The following PCDHGA4 variants were observed in gnomAD, a reference collection of about 807,000 sequenced individuals.
PCDHGA4 encodes the protein protocadherin gamma subfamily A, 4.
Under a neutral mutation model 54.6 loss-of-function variants are expected in PCDHGA4, and 38 were observed. The observed-to-expected ratio is 0.70, with a 90% CI of 0.54 to 0.91. PCDHGA4 has a LOEUF of 0.91. Among genes scored for constraint, PCDHGA4 ranks in the 40% least tolerant of loss-of-function variants. The pLI is 0.00. For synonymous variants in PCDHGA4, 511 were observed against 512.9 expected (o/e 1.00, Z 0.05); for missense variants, 1,298 against 1,220.9 (o/e 1.06, Z -0.94).
At chr5:141,365,871 T>C in intron 1 of PCDHGA4, 1 of 1,614,098 alleles carries the variant, frequency 6.2e-7, no homozygotes, top group Non-Finnish European at 8.5e-7. Context: ...ACCGGTGTCC[T>C]GTATGCTCTG....
rs61612330 is a variant in PCDHGA4, at chr5:141,454,796, A to ATTTTTTTTTTTTTTT, written c.2515-39996_2515-39982dup. 1.0e-3 allele frequency among the ~76,000 whole-genome samples: 80 copies of ATTTTTTTTTTTTTTT among 77,456 alleles called. 10 individuals are homozygous for ATTTTTTTTTTTTTTT. The highest frequency in any genetic ancestry group is 2.0e-3 in the East Asian group (5 of 2,512). The allele number at this position is 77,456 out of a possible 152,430, so 50.8% of individuals were successfully genotyped here. A position where few individuals can be genotyped will look rare whatever the true frequency, so the allele number is the denominator to read the frequency against. On this transcript the variant is annotated intron_variant, in intron 1 of 3. Transcript: ENST00000571252. ...AAGGAAATAATCCTCCATGGTTCTA[A>ATTTTTTTTTTTTTTT]TTTTTTTTTTTTTTTTTTTTTTTTT...
At chr5:141,469,424 AC>A (rs1173507321) in intron 1 of PCDHGA4, among the ~76,000 whole-genome samples, 1 of 151,864 alleles carries the variant, frequency 6.6e-6, no homozygotes, top group East Asian at 1.9e-4. Context: ...AAAATATAAA[AC>A]TTAGCTGGGC....
At chr5:141,405,380 A>G in intron 1 of PCDHGA4, 1 of 1,602,960 alleles carries the variant, frequency 6.2e-7, no homozygotes, top group Non-Finnish European at 8.5e-7. Context: ...GGTTCCGGTG[A>G]GTTCATTTTT....
chr5:141,364,937 G>C (rs760754992), intron 1 of PCDHGA4: 16 of 1,613,830 alleles, frequency 9.9e-6, no homozygotes, highest in Middle Eastern at 1.6e-4. Context: ...CCTAGACCGC[G>C]AGAAAGAGAC....
chr5:141,443,588 A>T (rs1479393074), intron 1 of PCDHGA4, among the ~76,000 whole-genome samples: 3 of 152,240 alleles, frequency 2.0e-5, no homozygotes, highest in Non-Finnish European at 4.4e-5. Context: ...CTAAAACAGA[A>T]TGTGGTATAT....
chr5:141,380,676 T>TA (rs1776652796), intron 1 of PCDHGA4, among the ~76,000 whole-genome samples: 1 of 152,246 alleles, frequency 6.6e-6, no homozygotes, highest in Non-Finnish European at 1.5e-5. Flanking sequence ...ATAGGGTATG[T>TA]ATGCTTTGTG....
chr5:141,441,162 G>A (rs1009205566), intron 1 of PCDHGA4: 48 of 152,166 alleles, frequency 3.2e-4, no homozygotes, highest in Admixed American at 1.5e-3. Flanking sequence ...TCCTAGAGGC[G>A]ATTTTTACTT....
intron 1 of PCDHGA4, chr5:141,361,248 G>T (rs376049174): frequency 6.2e-7 from 1 of 1,613,958 alleles, no homozygotes; most frequent in Non-Finnish European, 8.5e-7. Flanking sequence ...TGATAAAAAC[G>T]AGAGACAGAG....
At chr5:141,407,497 G>GTTTTTTTTTTTTTTTTTTTTTTT (rs1554102286) in intron 1 of PCDHGA4, among the ~76,000 whole-genome samples, 2 of 152,088 alleles carry the variant, frequency 1.3e-5, no homozygotes, top group African/African-American at 4.8e-5. Context: ...CTTTATTTCT[G>GTTTTTTTTTTTTTTTTTTTTTTT]TTTTTCTTAG....
At chr5:141,384,748 T>C in intron 1 of PCDHGA4, 1 of 1,613,966 alleles carries the variant, frequency 6.2e-7, no homozygotes, top group African/African-American at 1.3e-5. Flanking sequence ...GCCAGGACTC[T>C]TTGCGGTTGG....
chr5:141,458,597 T>C (rs940896214), intron 1 of PCDHGA4, among the ~76,000 whole-genome samples: 18 of 151,988 alleles, frequency 1.2e-4, no homozygotes, highest in Non-Finnish European at 2.4e-4. Context: ...TGGAGACGAG[T>C]CTCACTCTGT....
chr5:141,398,171 C>T (rs773536231), intron 1 of PCDHGA4: 3 of 1,476,352 alleles, frequency 2.0e-6, no homozygotes, highest in Non-Finnish European at 2.7e-6. Flanking sequence ...GAGAGGCTGC[C>T]AGTGCTCTTT....
chr5:141,476,281 T>G lies in PCDHGA4; in HGVS notation c.2515-18526T>G. On this transcript the variant is annotated intron_variant, in intron 1 of 3. Coordinates refer to ENST00000571252, the MANE Select transcript of PCDHGA4 (RefSeq NM_018917.4). This position sits in a 1 kb window ranked among gnomAD's most constrained non-coding sequence, Gnocchi z 7.6. ...TGGGCAACGTGGTCGCGAACCTTGGTTTGGATCTCGGTAGCCTCTCAGCCC... is the reference window on the plus strand; with the variant it reads ...TGGGCAACGTGGTCGCGAACCTTGGGTTGGATCTCGGTAGCCTCTCAGCCC... 1 of 1,614,048 alleles carries G rather than the reference T, an allele frequency of 6.2e-7. No homozygotes were observed. The highest frequency in any genetic ancestry group is 1.1e-5 in the South Asian group (1 of 91,062).
At chr5:141,415,045 G>A (rs2095819214) in intron 1 of PCDHGA4, 23 of 1,613,538 alleles carry the variant, frequency 1.4e-5, no homozygotes, top group Non-Finnish European at 1.8e-5. Flanking sequence ...CTTCGCGGTG[G>A]GGGAGCACAC....
rs765534200 is a variant in PCDHGA4 at position 141,410,067 on chromosome 5, G to A, written c.2514+52446G>A. 8.1e-6 allele frequency: 13 copies of A among 1,612,846 alleles called. No individual in the cohort carries two copies. In the South Asian group the frequency reaches 1.3e-4, roughly 16 times the overall value. ...CCCGGACTCTTCAGCCTGGGGCTGC[G>A]CACTGGGGAGGTGCGCACGGCTCGA... is the stretch of plus-strand genomic sequence containing the variant. On this transcript the variant is annotated intron_variant, in intron 1 of 3. Transcript: ENST00000571252.
chr5:141,485,980 G>C lies in PCDHGA4; in HGVS notation c.2515-8827G>C, dbSNP rs151239937. 1 of 1,614,020 alleles carries C rather than the reference G, an allele frequency of 6.2e-7. No individual in the cohort carries two copies. The highest frequency in any genetic ancestry group is 1.3e-5 in the African/African-American group (1 of 74,914). The stretch of plus-strand genomic sequence containing the variant: ...TCATCCAGCTCAATGCCTCAGACCC[G>C]GACCTGGGTCCCAGTGGTAACGTCA... On this transcript the variant is annotated intron_variant, in intron 1 of 3. Transcript: ENST00000571252. The surrounding 1 kb of genome is among the most constrained non-coding windows in gnomAD (Gnocchi z 5.7).
rs761483380 is a variant in PCDHGA4, at chr5:141,360,655, GACA to G, written c.2514+3037_2514+3039del. ...CTCACTACAAAGATACCACCTTAAT[GACA>G]ACGAGTACTTTGATCTCGCTGAGAA... On this transcript the variant is annotated intron_variant, in intron 1 of 3. Transcript: ENST00000571252. 1.3e-4 allele frequency: 212 copies of G among 1,613,970 alleles called. No homozygotes were observed. The Middle Eastern group carries it at 2.3e-3, about 18-fold the overall frequency.
At chr5:141,403,075 G>A (rs1188549930) in intron 1 of PCDHGA4, 5 of 1,613,968 alleles carry the variant, frequency 3.1e-6, no homozygotes, top group Non-Finnish European at 4.2e-6. Flanking sequence ...AGACAGAAAA[G>A]GGCTATATTG....
chr5:141,405,444 G>A, intron 1 of PCDHGA4: 1 of 1,379,466 alleles, frequency 7.2e-7, no homozygotes, highest in South Asian at 1.3e-5. Flanking sequence ...TTTTGAGACA[G>A]AGTCTTACTC....
Sources: allele counts gnomAD v4.1 joint callset (sites outside exome capture counted in the v4.1 genomes callset), GRCh38; gene constraint gnomAD v4.1.1; non-coding constraint Gnocchi (gnomAD v3.1); transcripts MANE v1.5; gene names NCBI Gene and HGNC (gene_info 2026-07-23, HGNC 2026-07-21).